Variants in ECPAS observed in about 807,000 individuals in gnomAD.
The protein encoded by ECPAS is Ecm29 proteasome adaptor and scaffold, also known as proteasome adapter and scaffold protein ECM29.
A neutral mutation model predicts 255.1 loss-of-function variants in ECPAS; 70 were observed. That is an observed-to-expected ratio of 0.27 (90% CI 0.23 to 0.33). The LOEUF (loss-of-function observed/expected upper bound fraction) is 0.33. ECPAS is among the 10% of genes least tolerant of loss of function. The probability of loss-of-function intolerance (pLI) is 1.00; values close to 1 mark genes in which losing one functional copy is unlikely to be tolerated. For missense variants in ECPAS, 1,817 were observed against 2,206.4 expected (o/e 0.82, Z 3.54); for synonymous variants, 784 against 775.0 (o/e 1.01, Z -0.19).
At chr9:111,444,781 G>T (rs1421723079) in intron 3 of ECPAS, among the ~76,000 whole-genome samples, 1 of 152,080 alleles carries the variant, frequency 6.6e-6, no homozygotes, top group Non-Finnish European at 1.5e-5. Context: ...CACAATCTTG[G>T]CTCACTGCAA....
At chr9:111,422,626 A>G (rs148981882) in intron 13 of ECPAS, among the ~76,000 whole-genome samples, 44 of 152,288 alleles carry the variant, frequency 2.9e-4, no homozygotes, top group African/African-American at 1.0e-3. Flanking sequence ...TGTAGAGAAG[A>G]GCAAGACCTG....
intron 2 of ECPAS, among the ~76,000 whole-genome samples, chr9:111,471,878 G>C (rs552886110): frequency 1.1e-3 from 162 of 152,196 alleles, no homozygotes; most frequent in African/African-American, 3.7e-3. Context: ...CCAGGTAGGA[G>C]TATAGCTTGA....
Position 111,420,120 on chromosome 9 carries a change from G to A in ECPAS, c.1456C>T (p.Pro486Ser), listed in dbSNP as rs752788369. Residue 486 changes from proline to serine, a missense_variant and splice_region_variant, in exon 16 of 50, where the codon CCT becomes TCT. By Grantham distance (74) the Pro-to-Ser change is moderately conservative. Around this residue, in one of 4 missense-constraint regions of ECPAS, gnomAD observed 573 missense variants for 716.2 expected, o/e 0.80. Coordinates refer to ENST00000684092, the MANE Select transcript of ECPAS (RefSeq NM_001364929.1). ...GCCACTTGTCGAACTTGAACTTCAG[G>A]CTATTTCATGTGTAAACATACACAG... ...EALVASYLIK[P>S]EVQVRQVAVK... 6.2e-7 allele frequency: 1 copy of A among 1,608,438 alleles called. No individual in the cohort carries two copies. Among genetic ancestry groups the A allele is most frequent in the Non-Finnish European group, 8.5e-7 (1 of 1,175,950 alleles).
rs556846485 is a variant in ECPAS at position 111,480,471 on chromosome 9, T to C, written c.-83+3645A>G. On this transcript the variant is annotated intron_variant, in intron 1 of 49. Transcript: ENST00000684092. The stretch of plus-strand genomic sequence containing the variant: ...TGCCGCCACACCAGGCTAAATTTTG[T>C]ATTTTTAGTAGAGACAGGGTTTCAC... 5.3e-5 allele frequency among the ~76,000 whole-genome samples: 8 copies of C among 152,112 alleles called. No homozygotes were observed. In the East Asian group the frequency reaches 1.2e-3, roughly 22 times the overall value.
chr9:111,394,782 TCACCCACTAGAGACCAGTGG>T (rs1564515029), intron 25 of ECPAS, among the ~76,000 whole-genome samples: 1 of 152,218 alleles, frequency 6.6e-6, no homozygotes, highest in Non-Finnish European at 1.5e-5. Context: ...TCCTGTGCCT[TCACCCACTAGAGACCAGTGG>T]CACCCACCCT....
At chr9:111,431,195 T>C (rs1188874234) in intron 8 of ECPAS, among the ~76,000 whole-genome samples, 1 of 152,094 alleles carries the variant, frequency 6.6e-6, no homozygotes, top group Non-Finnish European at 1.5e-5. Context: ...TTCTGCAGAG[T>C]AGTTATGCTA....
intron 5 of ECPAS, among the ~76,000 whole-genome samples, chr9:111,441,515 A>C (rs1284529769): frequency 1.3e-5 from 2 of 152,282 alleles, no homozygotes; most frequent in East Asian, 3.9e-4. Flanking sequence ...AAAAAAAAAA[A>C]TTATTTTCCA....
chr9:111,409,176 T>G (rs1471319889), intron 23 of ECPAS, among the ~76,000 whole-genome samples: 1 of 152,206 alleles, frequency 6.6e-6, no homozygotes, highest in Non-Finnish European at 1.5e-5. Context: ...TGCTTAACAA[T>G]GTTTGGCAAT....
At chr9:111,439,896 C>T (rs1033768238) in intron 6 of ECPAS, among the ~76,000 whole-genome samples, 1 of 151,762 alleles carries the variant, frequency 6.6e-6, no homozygotes, top group African/African-American at 2.4e-5. Context: ...GTTCCAGACA[C>T]AGCAAGGAGA....
At position 111,368,048 on chromosome 9, in the gene ECPAS, AC is replaced by A. The variant is rs769494550; in HGVS notation, c.5113+986del. Reference sequence around the variant, plus strand: ...AGACCCTGTCTCAAAAAAAAAACAAACAAAAAAAAAACGAATACTAAGATCT... The same window carrying A: ...AGACCCTGTCTCAAAAAAAAAACAAAAAAAAAAAAACGAATACTAAGATCT... On this transcript the variant is annotated intron_variant, in intron 46 of 49. Coordinates refer to ENST00000684092, the MANE Select transcript of ECPAS (RefSeq NM_001364929.1). Among the ~76,000 whole-genome samples, 1,839 of 139,666 alleles carry A rather than the reference AC, an allele frequency of 0.013. 69 individuals are homozygous for A. The East Asian group carries it at 0.13, about 10-fold the overall frequency. The allele number at this position is 139,666 out of a possible 152,430, so 91.6% of individuals were successfully genotyped here.
At chr9:111,455,781 C>T (rs979279601) in intron 2 of ECPAS, among the ~76,000 whole-genome samples, 3 of 152,216 alleles carry the variant, frequency 2.0e-5, no homozygotes, top group African/African-American at 7.2e-5. Flanking sequence ...GCTGTCACAA[C>T]TCACTTCTGG....
chr9:111,435,685 T>TC (rs1319072882), intron 7 of ECPAS, among the ~76,000 whole-genome samples: 2 of 150,188 alleles, frequency 1.3e-5, no homozygotes, highest in Non-Finnish European at 3.0e-5. Flanking sequence ...AAATCTTTTT[T>TC]TTTTTTTTTT....
At chr9:111,383,426 G>A (rs1042712471) in intron 34 of ECPAS, 94 bp from the exon 35 acceptor site, 43 of 1,431,138 alleles carry the variant, frequency 3.0e-5, no homozygotes, top group Non-Finnish European at 4.1e-5. Context: ...CATATCTACA[G>A]GGAAGAATAA....
At chr9:111,458,633 G>C (rs2098269706) in intron 2 of ECPAS, among the ~76,000 whole-genome samples, 1 of 150,946 alleles carries the variant, frequency 6.6e-6, no homozygotes, top group East Asian at 2.0e-4. Context: ...GGAAGGGTTG[G>C]AGAGGGAGAG....
intron 2 of ECPAS, among the ~76,000 whole-genome samples, chr9:111,454,312 G>T (rs930373848): frequency 6.6e-6 from 1 of 150,830 alleles, no homozygotes; most frequent in Non-Finnish European, 1.5e-5. Context: ...GGGGGAGATG[G>T]GGGGGTGGGG....
At chr9:111,394,704 C>T (rs1453980761) in intron 25 of ECPAS, among the ~76,000 whole-genome samples, 1 of 152,096 alleles carries the variant, frequency 6.6e-6, no homozygotes, top group Non-Finnish European at 1.5e-5. Context: ...TCAACACTAC[C>T]GACATTGTGG....
intron 1 of ECPAS, among the ~76,000 whole-genome samples, chr9:111,480,292 CTTTTTTTTTTTTTT>C (rs398011866): frequency 7.9e-5 from 5 of 63,636 alleles, no homozygotes; most frequent in Non-Finnish European, 1.4e-4. Context: ...AGCACCTTTT[CTTTTTTTTTTTTTT>C]TTTTTTTTTG....
At position 111,370,581 on chromosome 9, in the gene ECPAS, T is replaced by A. The variant is rs1259849960; in HGVS notation, c.4828A>T (p.Ile1610Phe). 6.2e-7 allele frequency: 1 copy of A among 1,611,234 alleles called. No individual in the cohort carries two copies. The highest frequency in any genetic ancestry group is 8.5e-7 in the Non-Finnish European group (1 of 1,178,638). ...CATTCCTTCAGAACAGCTTGAAGAA[T>A]TTCATTTGTGCTGGGTTGATTGGGC... is the stretch of plus-strand genomic sequence containing the variant. ...SVPNQPSTNE[I>F]LQAVLKECSK... The change falls in exon 45 of 50, where the codon ATT becomes TTT. Residue 1610 changes from isoleucine (I) to phenylalanine (F), a missense_variant. Ile to Phe is a conservative substitution (Grantham distance 21, BLOSUM62 0). Around this residue, in one of 4 missense-constraint regions of ECPAS, gnomAD observed 960 missense variants for 1,179.0 expected, o/e 0.81. Coordinates refer to ENST00000684092, the MANE Select transcript of ECPAS (RefSeq NM_001364929.1).
intron 43 of ECPAS, 51 bp from the exon 44 acceptor site, chr9:111,370,816 A>AC (rs2098126444): frequency 6.7e-7 from 1 of 1,499,670 alleles, no homozygotes. Context: ...CATGTCATTT[A>AC]CACTGTCTAA....
Sources: gnomAD v4.1 joint callset for allele counts (sites outside exome capture counted in the v4.1 genomes callset) on GRCh38, gnomAD v4.1.1 for gene constraint, gnomAD v4.1.1 regional missense constraint, MANE v1.5 for transcripts, NCBI Gene and HGNC (gene_info 2026-07-23, HGNC 2026-07-21) for gene names.